SREK1: variants seen among roughly 807,000 people sequenced by gnomAD.
SREK1 encodes splicing regulatory glutamic acid and lysine rich protein 1, also known as splicing regulatory glutamine/lysine-rich protein 1.
In SREK1, 13 loss-of-function variants were observed where a neutral mutation model predicts 66.5. The observed-to-expected ratio is 0.20, with a 90% confidence interval of 0.13 to 0.31. SREK1 has a LOEUF of 0.31. Among genes scored for constraint, SREK1 ranks in the 10% least tolerant of loss-of-function variants. SREK1 has a pLI of 1.00. For missense variants in SREK1, 607 were observed against 769.6 expected, an observed-to-expected ratio of 0.79 and a Z score of 2.50; for synonymous variants, 265 against 263.5, an observed-to-expected ratio of 1.01 and a Z score of -0.05.
At chr5:66,162,698 G>A (rs1021080792) in intron 5 of SREK1, 106 bp downstream of exon 5, 73 of 1,041,850 alleles carry the variant, frequency 7.0e-5, no homozygotes, top group Non-Finnish European at 9.3e-5. Flanking sequence ...GGCAATTTGT[G>A]GAAAGGAAGA....
At chr5:66,158,466 A>C (rs1433164024) in intron 2 of SREK1, 1 of 152,824 alleles carries the variant, frequency 6.5e-6, no homozygotes, top group Non-Finnish European at 1.5e-5. Flanking sequence ...CCCAAGGCAT[A>C]TTTTTTGGAA....
rs981419378 is a variant in SREK1, at chr5:66,178,891, C to T, written c.*23C>T. 1 of 1,559,786 alleles carries T rather than the reference C, an allele frequency of 6.4e-7. No individual in the cohort carries two copies. Among genetic ancestry groups the T allele is most frequent in the Non-Finnish European group, 8.7e-7 (1 of 1,151,390 alleles). On this transcript the variant is annotated 3_prime_UTR_variant, in exon 12 of 12. Coordinates refer to ENST00000334121, the MANE Select transcript of SREK1 (RefSeq NM_001077199.3). ...TAGGACCGACAAGTGTACCTCTGCA[C>T]TCAATGCTGGAATCAAATCCAAAGC...
At chr5:66,154,450 G>C (rs1744111219) in intron 2 of SREK1, among the ~76,000 whole-genome samples, 1 of 152,136 alleles carries the variant, frequency 6.6e-6, no homozygotes, top group Non-Finnish European at 1.5e-5. Flanking sequence ...ATGTCTTAAA[G>C]TAGATTTTCT....
At chr5:66,152,320 TG>T (rs1743918363) in intron 1 of SREK1, among the ~76,000 whole-genome samples, 1 of 152,240 alleles carries the variant, frequency 6.6e-6, no homozygotes, top group Non-Finnish European at 1.5e-5. Context: ...TGTTTAAAGA[TG>T]GTTTTGTTCC....
chr5:66,158,385 G>A (rs1012865657), intron 2 of SREK1: 2 of 153,318 alleles, frequency 1.3e-5, no homozygotes, highest in African/African-American at 4.8e-5. Flanking sequence ...ACATAAATTG[G>A]TTCTAAAAGT....
At chr5:66,148,661 C>G (rs1039535592) in intron 1 of SREK1, among the ~76,000 whole-genome samples, 6 of 152,014 alleles carry the variant, frequency 3.9e-5, no homozygotes, top group African/African-American at 1.5e-4. Context: ...AGGATTTCAC[C>G]ATGTTGCGCA....
chr5:66,156,249 A>T, intron 2 of SREK1: 6 of 1,291,618 alleles, frequency 4.6e-6, no homozygotes, highest in South Asian at 5.4e-5. Context: ...CTTTTTCTTT[A>T]TTTTGTCCCT....
rs780505314 is a variant in SREK1 at position 66,170,080 on chromosome 5, G to C, written c.1031G>C (p.Arg344Thr). 1.2e-5 allele frequency: 20 copies of C among 1,610,076 alleles called. No homozygotes were observed. In the Admixed American group the frequency reaches 2.7e-4, roughly 22 times the overall value. The stretch of plus-strand genomic sequence containing the variant: ...AGATCCCATAATAGATCACGTTCAA[G>C]ACAGAAAGACAGACGTAGATCTAAG... ...RSRSHNRSRS[R>T]QKDRRRSKSP... The change falls in exon 8 of 12, where the codon AGA becomes ACA. Residue 344 changes from arginine to threonine, a missense_variant. Around this residue, in one of 5 missense-constraint regions of SREK1, gnomAD observed 112 missense variants for 168.6 expected, o/e 0.66. Coordinates refer to ENST00000334121, the MANE Select transcript of SREK1 (RefSeq NM_001077199.3).
chr5:66,151,834 CTTTTTTT>C (rs60920757), intron 1 of SREK1, among the ~76,000 whole-genome samples: 8 of 84,788 alleles, frequency 9.4e-5, no homozygotes, highest in African/African-American at 2.1e-4. Flanking sequence ...GAGGTACATC[CTTTTTTT>C]TTTTTTTTTT....
intron 2 of SREK1, chr5:66,158,861 C>T (rs1157738376): frequency 1.0e-5 from 13 of 1,292,176 alleles, no homozygotes; most frequent in Admixed American, 2.3e-5. Context: ...TCGATCACCG[C>T]GAAAACACCG....
intron 1 of SREK1, among the ~76,000 whole-genome samples, chr5:66,147,646 C>CT (rs1181494782): frequency 2.6e-5 from 4 of 152,086 alleles, no homozygotes; most frequent in African/African-American, 4.8e-5. Flanking sequence ...ATGGAAAAAT[C>CT]TGTCAACTAC....
chr5:66,173,320 C>T (rs942515016), intron 9 of SREK1, among the ~76,000 whole-genome samples: 2 of 152,046 alleles, frequency 1.3e-5, no homozygotes, highest in African/African-American at 4.8e-5. Flanking sequence ...AATTTACTGT[C>T]ATTAAAGGTG....
chr5:66,158,759 C>T (rs749118708), intron 2 of SREK1: 2 of 1,246,030 alleles, frequency 1.6e-6, no homozygotes, highest in South Asian at 2.6e-5. Flanking sequence ...GGGGATTAAA[C>T]TTTAAAAAAT....
At chr5:66,156,460 C>T (rs1229402626) in intron 2 of SREK1, 1 of 1,027,200 alleles carries the variant, frequency 9.7e-7, no homozygotes, top group Non-Finnish European at 1.2e-6. Flanking sequence ...TGTTGTGAAG[C>T]TCATTGTGAG....
intron 2 of SREK1, chr5:66,156,537 A>G (rs1351408849): frequency 1.0e-6 from 1 of 986,858 alleles, no homozygotes; most frequent in Non-Finnish European, 1.2e-6. Context: ...ACTGATAAGT[A>G]TCTCAGGAAC....
At chr5:66,159,385 C>G in intron 3 of SREK1, 51 bp downstream of exon 3, 1 of 1,407,782 alleles carries the variant, frequency 7.1e-7, no homozygotes, top group South Asian at 1.4e-5. Context: ...AACTGTGTGA[C>G]CAGTTGAATA....
chr5:66,161,975 G>T lies in SREK1; in HGVS notation c.412-134G>T, dbSNP rs536190085. Reference sequence around the variant, plus strand: ...ACTTTAATAACTCAGACATATATATGACTGAAAGTTCGGAGTCCCTAGTCT... The same window carrying T: ...ACTTTAATAACTCAGACATATATATTACTGAAAGTTCGGAGTCCCTAGTCT... On this transcript the variant is annotated intron_variant, in intron 3 of 11. Transcript: ENST00000334121. 45 of 903,512 alleles carry T rather than the reference G, an allele frequency of 5.0e-5. No homozygotes were observed. The African/African-American group carries it at 7.5e-4, about 15-fold the overall frequency. The allele number at this position is 903,512 out of a possible 1,614,324, so 56.0% of individuals were successfully genotyped here.
At chr5:66,158,818 C>G in intron 2 of SREK1, 3 of 1,290,016 alleles carry the variant, frequency 2.3e-6, no homozygotes, top group Non-Finnish European at 3.0e-6. Flanking sequence ...GTGATGCAGC[C>G]AACACGAACG....
Sources: allele counts gnomAD v4.1 joint callset (sites outside exome capture counted in the v4.1 genomes callset), GRCh38; gene constraint gnomAD v4.1.1; regional missense constraint gnomAD v4.1.1; transcripts MANE v1.5; gene names NCBI Gene and HGNC (gene_info 2026-07-23, HGNC 2026-07-21).